FAM120B: variants seen among roughly 807,000 people sequenced by gnomAD.
FAM120B encodes the protein family with sequence similarity 120 member B.
FAM120B carries 83 observed loss-of-function variants against 96.3 expected under a neutral mutation model. The ratio of observed to expected loss-of-function variants is 0.86; its 90% CI spans 0.72 to 1.03. The LOEUF is 1.03. Among genes scored for constraint, FAM120B ranks in the 50% least tolerant of loss-of-function variants. FAM120B has a pLI of 0.00. For missense variants in FAM120B, 1,027 were observed against 1,121.2 expected, an observed-to-expected ratio of 0.92 and a Z score of 1.20; for synonymous variants, 407 against 402.7, an observed-to-expected ratio of 1.01 and a Z score of -0.13.
chr6:170,320,137 T>A (rs929464439), intron 2 of FAM120B, among the ~76,000 whole-genome samples: 1 of 152,186 alleles, frequency 6.6e-6, no homozygotes, highest in Non-Finnish European at 1.5e-5. Context: ...AACTTAACTA[T>A]CTTAACCACA....
chr6:170,373,927 G>A (rs1185453483), intron 6 of FAM120B, among the ~76,000 whole-genome samples: 1 of 152,128 alleles, frequency 6.6e-6, no homozygotes, highest in East Asian at 1.9e-4. Flanking sequence ...GCATCCCAGA[G>A]CCCCCAGCAC....
At chr6:170,351,373 T>G (rs1445191564) in intron 5 of FAM120B, among the ~76,000 whole-genome samples, 2 of 152,102 alleles carry the variant, frequency 1.3e-5, no homozygotes, top group Admixed American at 6.5e-5. Context: ...AAAACATACT[T>G]TAGGATATCA....
Position 170,395,648 on chromosome 6 carries a change from G to A in FAM120B, c.2692+69G>A. The A allele has an allele frequency of 2.7e-6, 3 of 1,105,804 alleles. No individual in the cohort carries two copies. In the South Asian group the frequency reaches 4.0e-5, roughly 15 times the overall value. 68.5% of individuals were successfully genotyped at this position (1,105,804 alleles called of 1,614,324 possible). A position where few individuals can be genotyped will look rare whatever the true frequency, so the allele number is the denominator to read the frequency against. On this transcript the variant is annotated intron_variant, in intron 9 of 10. Coordinates refer to ENST00000476287, the MANE Select transcript of FAM120B (RefSeq NM_032448.3). ...CTGCCTCTCACCTTGTGCTTTTGCTGATAACTGCCTTCCTCTGTTTCAGAA... is the reference window on the plus strand; with the variant it reads ...CTGCCTCTCACCTTGTGCTTTTGCTAATAACTGCCTTCCTCTGTTTCAGAA...
At chr6:170,383,615 G>C (rs998194614) in intron 6 of FAM120B, among the ~76,000 whole-genome samples, 4 of 152,200 alleles carry the variant, frequency 2.6e-5, no homozygotes, top group Non-Finnish European at 5.9e-5. Context: ...ACACGGATTA[G>C]AGCAGCTAAA....
At chr6:170,315,760 C>A (rs1784861488) in intron 1 of FAM120B, among the ~76,000 whole-genome samples, 1 of 152,052 alleles carries the variant, frequency 6.6e-6, no homozygotes, top group African/African-American at 2.4e-5. Flanking sequence ...CCCTCAAATT[C>A]TACTGTTAGG....
At chr6:170,365,946 C>T (rs144801652) in intron 6 of FAM120B, among the ~76,000 whole-genome samples, 291 of 152,262 alleles carry the variant, frequency 1.9e-3, no homozygotes, top group Middle Eastern at 0.014. Flanking sequence ...GGTAAAAGGA[C>T]CCTTGGCCAG....
Position 170,405,425 on chromosome 6 carries a change from C to G in FAM120B, c.*674C>G, listed in dbSNP as rs1453342228. The G allele has an allele frequency of 6.6e-6, 1 of 152,224 alleles. No homozygotes were observed. The highest frequency in any genetic ancestry group is 2.4e-5 in the African/African-American group (1 of 41,452). 9.4% of individuals were successfully genotyped at this position (152,224 alleles called of 1,614,324 possible). On this transcript the variant is annotated 3_prime_UTR_variant, in exon 11 of 11. Transcript: ENST00000476287. ...ACTAAGTGACTAATGGTCAGAGAAG[C>G]TGGATGAGGGGCTGATTCATGTCCT...
chr6:170,359,666 T>TGGGCTCAAGCCATCCTCCC (rs1271871386), intron 6 of FAM120B, among the ~76,000 whole-genome samples: 7 of 152,256 alleles, frequency 4.6e-5, no homozygotes, highest in African/African-American at 1.4e-4. Context: ...CTCAGACTCC[T>TGGGCTCAAGCCATCCTCCC]GGGCTCAAGC....
At chr6:170,300,447 G>A (rs1417350971) in intron 1 of FAM120B, among the ~76,000 whole-genome samples, 1 of 152,062 alleles carries the variant, frequency 6.6e-6, no homozygotes, top group Non-Finnish European at 1.5e-5. Flanking sequence ...GATTTGGATG[G>A]GGATACAGCA....
intron 6 of FAM120B, among the ~76,000 whole-genome samples, chr6:170,359,273 A>G (rs1180672877): frequency 1.3e-5 from 2 of 152,030 alleles, no homozygotes; most frequent in Non-Finnish European, 2.9e-5. Context: ...TGTGCCTGTA[A>G]TCCTAGCTAC....
intron 5 of FAM120B, among the ~76,000 whole-genome samples, chr6:170,356,848 A>C (rs1787986437): frequency 6.6e-6 from 1 of 152,170 alleles, no homozygotes; most frequent in South Asian, 2.1e-4. Flanking sequence ...TATCCTCTGG[A>C]AAGGTAAGTT....
intron 5 of FAM120B, among the ~76,000 whole-genome samples, chr6:170,355,317 A>G (rs1422447892): frequency 6.6e-6 from 1 of 152,220 alleles, no homozygotes; most frequent in African/African-American, 2.4e-5. Flanking sequence ...GAATCAACCT[A>G]AATGCATATC....
chr6:170,314,128 TCTGA>T (rs1784757793), intron 1 of FAM120B, among the ~76,000 whole-genome samples: 1 of 152,220 alleles, frequency 6.6e-6, no homozygotes, highest in South Asian at 2.1e-4. Context: ...CTGGGACTGG[TCTGA>T]CTGTCAGGAG....
chr6:170,308,812 C>T (rs570159359), intron 1 of FAM120B, among the ~76,000 whole-genome samples: 43 of 152,206 alleles, frequency 2.8e-4, no homozygotes, highest in Non-Finnish European at 4.7e-4. Context: ...CTGGTGTGTG[C>T]TTTTTATTTA....
intron 5 of FAM120B, among the ~76,000 whole-genome samples, chr6:170,353,614 C>T (rs117748024): frequency 0.012 from 1,847 of 152,036 alleles, 43 homozygotes; most frequent in Non-Finnish European, 0.013. Flanking sequence ...ATAAAATCGC[C>T]AGTATTCCTA....
chr6:170,325,897 G>C (rs1197172075), intron 3 of FAM120B, among the ~76,000 whole-genome samples: 2 of 151,104 alleles, frequency 1.3e-5, no homozygotes, highest in African/African-American at 4.9e-5. Flanking sequence ...TGTTAGATTG[G>C]TGCAAAAATA....
At chr6:170,373,915 C>T (rs566201387) in intron 6 of FAM120B, among the ~76,000 whole-genome samples, 1 of 152,270 alleles carries the variant, frequency 6.6e-6, no homozygotes, top group South Asian at 2.1e-4. Flanking sequence ...TATGCAAACC[C>T]AGCATCCCAG....
At chr6:170,380,643 T>C (rs1453488588) in intron 6 of FAM120B, among the ~76,000 whole-genome samples, 1 of 152,272 alleles carries the variant, frequency 6.6e-6, no homozygotes, top group Non-Finnish European at 1.5e-5. Context: ...ATTTGTGTAC[T>C]GTCTTTAGAG....
chr6:170,336,240 G>A (rs568292305), intron 4 of FAM120B, among the ~76,000 whole-genome samples: 8 of 152,242 alleles, frequency 5.3e-5, no homozygotes, highest in African/African-American at 1.9e-4. Context: ...TATAAGGAAG[G>A]GGTCCAGCTT....
Sources: allele counts gnomAD v4.1 joint callset (sites outside exome capture counted in the v4.1 genomes callset), GRCh38; gene constraint gnomAD v4.1.1; transcripts MANE v1.5; gene names NCBI Gene and HGNC (gene_info 2026-07-23, HGNC 2026-07-21).